Variants in SLFN11 observed in about 807,000 individuals in gnomAD.
SLFN11 encodes the protein schlafen family member 11.
A neutral mutation model predicts 53.4 loss-of-function variants in SLFN11; 43 were observed. The ratio of observed to expected loss-of-function variants is 0.80; its 90% CI spans 0.63 to 1.04. The LOEUF is 1.04. SLFN11 is among the 50% of genes least tolerant of loss of function. The probability of loss-of-function intolerance (pLI) is 0.00; values close to 1 mark genes in which losing one functional copy is unlikely to be tolerated. For missense variants in SLFN11, 990 were observed against 1,079.1 expected (o/e 0.92, Z 1.16); for synonymous variants, 389 against 394.7 (o/e 0.99, Z 0.17).
At chr17:35,359,252 G>T (rs1004161489) in intron 5 of SLFN11, among the ~76,000 whole-genome samples, 1 of 152,004 alleles carries the variant, frequency 6.6e-6, no homozygotes, top group Non-Finnish European at 1.5e-5. Context: ...GAGCTTAAAA[G>T]GTGATTAGCA....
Position 35,362,761 on chromosome 17 carries a change from G to T in SLFN11, c.1047C>A (p.Gly349=). 1 of 1,583,076 alleles carries T rather than the reference G, an allele frequency of 6.3e-7. No individual in the cohort carries two copies. The highest frequency in any genetic ancestry group is 8.6e-7 in the Non-Finnish European group (1 of 1,164,796). Residue 349 remains glycine (G), a synonymous_variant, in exon 4 of 7, where the codon GGC becomes GGA. Transcript: ENST00000685675. ...VCSLTTEKWV[G]MMTDTDPDLL... is the part of the protein sequence containing the mutation. ...TACCTGGATCTGTGTCTGTCATCAT[G>T]CCTACCCATTTCTCGGTTGTCAGGC...
chr17:35,356,756 G>A lies in SLFN11; in HGVS notation c.1199-2697C>T, dbSNP rs114748389. Among the ~76,000 whole-genome samples the A allele has an allele frequency of 8.4e-3, 1,271 of 151,306 alleles. 25 individuals carry two copies. The highest frequency in any genetic ancestry group is 0.029 in the African/African-American group (1,189 of 41,180). ...TGCTATTATGTTAATACTACAGTGA[G>A]TAACCTTGTATGTTTGGTGTGTATG... On this transcript the variant is annotated intron_variant, in intron 5 of 6. Coordinates refer to ENST00000685675, the MANE Select transcript of SLFN11 (RefSeq NM_001376007.1).
At position 35,353,649 on chromosome 17, in the gene SLFN11, C is replaced by T. The variant is rs1907066553; in HGVS notation, c.1609G>A (p.Ala537Thr). 8.7e-7 allele frequency: 1 copy of T among 1,151,754 alleles called. No homozygotes were observed. Among genetic ancestry groups the T allele is most frequent in the East Asian group, 2.6e-5 (1 of 38,338 alleles). The allele number at this position is 1,151,754 out of a possible 1,614,324, so 71.3% of individuals were successfully genotyped here. A position where few individuals can be genotyped will look rare whatever the true frequency, so the allele number is the denominator to read the frequency against. ...TGGGTGCCTGCAAGGCTATAGGACG[C>T]AGGGTAATCCATCGGAGACACTGCA... ...EAAVSPMDYP[A>T]SYSLAGTQHM... Residue 537 changes from alanine to threonine, a missense_variant, in exon 6 of 7, where the codon GCG becomes ACG. By Grantham distance (58) the Ala-to-Thr change is moderately conservative. Coordinates refer to ENST00000685675, the MANE Select transcript of SLFN11 (RefSeq NM_001376007.1).
In SLFN11 at chr17:35,352,884, C is replaced by T. The variant is rs563404138; in HGVS notation, c.2178G>A (p.Glu726=). 6.2e-7 allele frequency: 1 copy of T among 1,614,164 alleles called. No individual in the cohort carries two copies. Among genetic ancestry groups the T allele is most frequent in the Non-Finnish European group, 8.5e-7 (1 of 1,180,026 alleles). The change falls in exon 7 of 7, where the codon GAG becomes GAA. Residue 726 remains glutamate, a synonymous_variant. Coordinates refer to ENST00000685675, the MANE Select transcript of SLFN11 (RefSeq NM_001376007.1). The part of the protein sequence containing the change: ...PPLSDQYPRE[E]LTRIVRNADP... Reference sequence around the variant, plus strand: ...CTGCATTGCGAACTATTCTGGTGAGCTCTTCTCTTGGATATTGGTCTGAGA... The same window carrying T: ...CTGCATTGCGAACTATTCTGGTGAGTTCTTCTCTTGGATATTGGTCTGAGA...
intron 4 of SLFN11, among the ~76,000 whole-genome samples, chr17:35,361,205 A>G (rs1465225828): frequency 1.3e-5 from 2 of 152,038 alleles, no homozygotes; most frequent in African/African-American, 2.4e-5. Flanking sequence ...CTGCCAAATT[A>G]TAGCATGATG....
intron 1 of SLFN11, among the ~76,000 whole-genome samples, chr17:35,373,037 C>G (rs977214011): frequency 6.6e-6 from 1 of 152,108 alleles, no homozygotes; most frequent in Non-Finnish European, 1.5e-5. Context: ...TGGTCGGTCA[C>G]ATAGACAGCT....
At chr17:35,369,554 G>T (rs552774997) in intron 1 of SLFN11, among the ~76,000 whole-genome samples, 71 of 152,184 alleles carry the variant, frequency 4.7e-4, no homozygotes, top group African/African-American at 1.6e-3. Context: ...CTGAAGAAAA[G>T]AACACAGCTT....
intron 1 of SLFN11, among the ~76,000 whole-genome samples, chr17:35,369,435 G>T (rs1217807371): frequency 1.3e-5 from 2 of 152,098 alleles, no homozygotes; most frequent in Admixed American, 1.3e-4. Flanking sequence ...GGCCAGCTCA[G>T]TCCCAGTAGA....
At chr17:35,371,302 T>A (rs780078168) in intron 1 of SLFN11, among the ~76,000 whole-genome samples, 2 of 152,046 alleles carry the variant, frequency 1.3e-5, no homozygotes, top group Admixed American at 6.5e-5. Context: ...CTAACTCTTG[T>A]CACATATAAA....
rs765053182 is a variant in SLFN11 at position 35,353,370 on chromosome 17, C to T, written c.1888G>A (p.Val630Ile). The change falls in exon 6 of 7, where the codon GTT (valine) becomes ATT (isoleucine). Residue 630 changes from valine (V) to isoleucine (I), a missense_variant. Physicochemically the swap from Val to Ile is conservative, Grantham distance 29. This residue lies in a region of SLFN11 where 156 missense variants were observed against 241.9 expected (regional missense o/e 0.64). Transcript: ENST00000685675. ...FHCEAHRILYVCENQPLRNFI... is the reference protein window; with the variant it reads ...FHCEAHRILYICENQPLRNFI... ...TTCCTCAGAGGCTGGTTTTCACAAACGTAGAGAATTCTGTGTGCCTCACAG... is the reference window on the plus strand; with the variant it reads ...TTCCTCAGAGGCTGGTTTTCACAAATGTAGAGAATTCTGTGTGCCTCACAG... 3.0e-5 allele frequency: 49 copies of T among 1,608,964 alleles called. No individual in the cohort carries two copies. The highest frequency in any genetic ancestry group is 1.6e-4 in the East Asian group (7 of 44,846).
At chr17:35,361,348 GAAGAA>G (rs952127720) in intron 4 of SLFN11, among the ~76,000 whole-genome samples, 1 of 152,102 alleles carries the variant, frequency 6.6e-6, no homozygotes, top group Non-Finnish European at 1.5e-5. Context: ...GTGATGAGTG[GAAGAA>G]AAGGCAAAAT....
intron 5 of SLFN11, among the ~76,000 whole-genome samples, chr17:35,355,441 T>C (rs915807650): frequency 6.6e-6 from 1 of 151,972 alleles, no homozygotes; most frequent in Non-Finnish European, 1.5e-5. Flanking sequence ...TTGCCCAACA[T>C]CACACCACTA....
chr17:35,356,204 T>C (rs1222837669), intron 5 of SLFN11, among the ~76,000 whole-genome samples: 2 of 152,138 alleles, frequency 1.3e-5, no homozygotes, highest in Non-Finnish European at 2.9e-5. Flanking sequence ...AGCCAAATTA[T>C]TGTCAATCAA....
chr17:35,368,267 T>C (rs1909214859), intron 1 of SLFN11, among the ~76,000 whole-genome samples: 1 of 151,954 alleles, frequency 6.6e-6, no homozygotes, highest in East Asian at 1.9e-4. Flanking sequence ...AATAGAAGGC[T>C]CCACCTACCA....
Position 35,351,320 on chromosome 17 carries a change from C to T in SLFN11, c.*1036G>A, listed in dbSNP as rs1262299536. Reference sequence around the variant, plus strand: ...TGACTTCATGTAACCTTAATTACTTCCTTAGCAGCCCCAGCTCCACAGTGC... The same window carrying T: ...TGACTTCATGTAACCTTAATTACTTTCTTAGCAGCCCCAGCTCCACAGTGC... On this transcript the variant is annotated 3_prime_UTR_variant, in exon 7 of 7. Coordinates refer to ENST00000685675, the MANE Select transcript of SLFN11 (RefSeq NM_001376007.1). The T allele has an allele frequency of 1.3e-5, 2 of 152,328 alleles. No homozygotes were observed. Among genetic ancestry groups the T allele is most frequent in the East Asian group, 3.9e-4 (2 of 5,178 alleles). 9.4% of individuals were successfully genotyped at this position (152,328 alleles called of 1,614,324 possible).
At position 35,363,372 on chromosome 17, in the gene SLFN11, T is replaced by C; in HGVS notation, c.436A>G (p.Arg146Gly). The C allele has an allele frequency of 6.2e-7, 1 of 1,614,046 alleles. No homozygotes were observed. The highest frequency in any genetic ancestry group is 1.1e-5 in the South Asian group (1 of 91,082). Residue 146 changes from arginine (R) to glycine (G), a missense_variant, in exon 4 of 7, where the codon AGA (arginine) becomes GGA (glycine). Transcript: ENST00000685675. ...SETSVRSMDS[R>G]EAFCFLKTKR... is the part of the protein sequence containing the mutation. ...GTCTTCAGGAAACAGAATGCCTCTCTTGAGTCCATGGAACGCACAGAGGTC... is the reference window on the plus strand; with the variant it reads ...GTCTTCAGGAAACAGAATGCCTCTCCTGAGTCCATGGAACGCACAGAGGTC...
At chr17:35,371,703 A>G (rs1008869030) in intron 1 of SLFN11, among the ~76,000 whole-genome samples, 1 of 152,158 alleles carries the variant, frequency 6.6e-6, no homozygotes, top group Non-Finnish European at 1.5e-5. Context: ...CAAATGGCAA[A>G]TAGGCATGTG....
chr17:35,362,666 C>T, intron 4 of SLFN11, 73 bp downstream of exon 4: 1 of 1,262,208 alleles, frequency 7.9e-7, no homozygotes, highest in African/African-American at 1.5e-5. Flanking sequence ...TCATAGGCAG[C>T]AAAGGAAAAT....
At chr17:35,368,381 T>C (rs1461559272) in intron 1 of SLFN11, among the ~76,000 whole-genome samples, 3 of 152,148 alleles carry the variant, frequency 2.0e-5, no homozygotes, top group South Asian at 2.1e-4. Context: ...AGTACTGCCC[T>C]GTTACAGTGA....
Sources: allele counts gnomAD v4.1 joint callset (sites outside exome capture counted in the v4.1 genomes callset), GRCh38; gene constraint gnomAD v4.1.1; regional missense constraint gnomAD v4.1.1; transcripts MANE v1.5; gene names NCBI Gene and HGNC (gene_info 2026-07-23, HGNC 2026-07-21).